FBXO38: variants seen among roughly 807,000 people sequenced by gnomAD.
FBXO38 encodes F-box only protein 38.
Under a neutral mutation model 131.9 loss-of-function variants are expected in FBXO38, and 53 were observed. That is an observed-to-expected ratio of 0.40 (90% CI 0.32 to 0.51). The LOEUF is 0.51. FBXO38 is among the 20% of genes least tolerant of loss of function. The pLI is 0.53. For synonymous variants in FBXO38, 452 were observed against 505.6 expected (o/e 0.89, Z 1.42); for missense variants, 1,076 against 1,475.6 (o/e 0.73, Z 4.44).
intron 1 of FBXO38, among the ~76,000 whole-genome samples, chr5:148,388,435 T>A (rs563103677): frequency 1.3e-4 from 20 of 152,320 alleles, no homozygotes; most frequent in Admixed American, 8.5e-4. Context: ...GAAAATCTGA[T>A]ATGGAATATT....
intron 17 of FBXO38, chr5:148,434,328 A>G (rs1223461945): frequency 6.6e-6 from 1 of 152,168 alleles, no homozygotes; most frequent in Non-Finnish European, 1.5e-5. Context: ...TGTCTCAAAC[A>G]TAGGGCATTA....
At chr5:148,413,843 A>C (rs7728004) in intron 9 of FBXO38, 1 of 252,330 alleles carries the variant, frequency 4.0e-6, no homozygotes, top group Non-Finnish European at 7.5e-6. Context: ...AGTATGATAG[A>C]TCCTTCACTT....
chr5:148,439,660 C>G lies in FBXO38; in HGVS notation c.3038C>G (p.Thr1013Ser). 1.2e-6 allele frequency: 2 copies of G among 1,613,822 alleles called. No homozygotes were observed. The highest frequency in any genetic ancestry group is 1.7e-6 in the Non-Finnish European group (2 of 1,179,786). The stretch of plus-strand genomic sequence containing the variant: ...TGTCTTCCACAGGTGGACACTCTAA[C>G]TTTGGAGCAGAAGCTATTTAGTGGT... ...LRPMQQVDTL[T>S]LEQKLFSGPY... The change falls in exon 19 of 22, where the codon ACT (threonine) becomes AGT (serine). Residue 1013 changes from threonine (T) to serine (S), a missense_variant. Transcript: ENST00000340253.
chr5:148,412,408 G>A (rs1009779934), intron 9 of FBXO38, among the ~76,000 whole-genome samples: 1 of 152,100 alleles, frequency 6.6e-6, no homozygotes, highest in African/African-American at 2.4e-5. Flanking sequence ...AGAAGTGGTG[G>A]CTGGCCTCTG....
At chr5:148,438,532 T>A (rs1333794676) in intron 18 of FBXO38, 34 bp downstream of exon 18, 1 of 1,579,486 alleles carries the variant, frequency 6.3e-7, no homozygotes. Context: ...ATGATACACA[T>A]ATTGTGGTGT....
intron 9 of FBXO38, chr5:148,413,278 A>AACATGTTGT (rs1752861207): frequency 6.6e-6 from 1 of 152,166 alleles, no homozygotes; most frequent in African/African-American, 2.4e-5. Context: ...GATTGTTTTT[A>AACATGTTGT]ACATGTTGTA....
At chr5:148,409,583 C>T (rs1752635575) in intron 8 of FBXO38, among the ~76,000 whole-genome samples, 1 of 152,180 alleles carries the variant, frequency 6.6e-6, no homozygotes, top group Non-Finnish European at 1.5e-5. Flanking sequence ...CTGAATTGTT[C>T]TAGTTACTTG....
At chr5:148,429,758 C>G (rs1205725733) in intron 15 of FBXO38, among the ~76,000 whole-genome samples, 1 of 151,910 alleles carries the variant, frequency 6.6e-6, no homozygotes, top group Admixed American at 6.6e-5. Context: ...TAATACAGAG[C>G]CTTCATATTA....
At chr5:148,412,400 A>G (rs1162580273) in intron 9 of FBXO38, among the ~76,000 whole-genome samples, 1 of 152,146 alleles carries the variant, frequency 6.6e-6, no homozygotes, top group African/African-American at 2.4e-5. Context: ...TCTCTCCAAG[A>G]AGTGGTGGCT....
chr5:148,430,166 T>TA (rs1485245624), intron 15 of FBXO38: 1 of 147,800 alleles, frequency 6.8e-6, no homozygotes, highest in African/African-American at 2.5e-5. Flanking sequence ...TTATTTTTTT[T>TA]TTTTTTGAGA....
intron 15 of FBXO38, among the ~76,000 whole-genome samples, chr5:148,428,946 G>T (rs1371963600): frequency 1.5e-4 from 23 of 152,164 alleles, no homozygotes; most frequent in Admixed American, 1.4e-3. Flanking sequence ...AGCTTAAATT[G>T]TAAATGTTTG....
chr5:148,439,620 G>GGTCCATGGAAAGATTGTTC, intron 18 of FBXO38, 27 bp from the exon 19 acceptor site: 1 of 1,605,716 alleles, frequency 6.2e-7, no homozygotes. Flanking sequence ...CTTTGTTGAA[G>GGTCCATGGAAAGATTGTTC]ACATCTCTTT....
At chr5:148,393,037 T>C (rs1419358447) in intron 1 of FBXO38, among the ~76,000 whole-genome samples, 7 of 152,088 alleles carry the variant, frequency 4.6e-5, no homozygotes, top group Non-Finnish European at 1.0e-4. Flanking sequence ...CGGAGGCCTC[T>C]TAGCCAAAAT....
At chr5:148,428,988 A>G (rs1753879480) in intron 15 of FBXO38, among the ~76,000 whole-genome samples, 1 of 152,210 alleles carries the variant, frequency 6.6e-6, no homozygotes, top group South Asian at 2.1e-4. Context: ...GTGGTAAAAT[A>G]TAACTTTACC....
chr5:148,414,854 A>T (rs1258989020), intron 10 of FBXO38, among the ~76,000 whole-genome samples: 1 of 152,108 alleles, frequency 6.6e-6, no homozygotes, highest in Non-Finnish European at 1.5e-5. Context: ...TCTCAGAGTA[A>T]TGTCATCTGT....
In FBXO38 at chr5:148,441,206, C is replaced by T. The variant is rs577469242; in HGVS notation, c.3357C>T (p.Phe1119=). The T allele has an allele frequency of 1.2e-4, 192 of 1,613,426 alleles. 6 individuals are homozygous for T. The South Asian group carries it at 1.9e-3, about 16-fold the overall frequency. The change falls in exon 21 of 22, where the codon TTC becomes TTT. Residue 1119 remains phenylalanine (F), a synonymous_variant. Coordinates refer to ENST00000340253, the MANE Select transcript of FBXO38 (RefSeq NM_205836.3). ...RSLRAAEPNS[F]ARYDFEDDEE... is the part of the protein sequence containing the mutation. ...TACGAGCTGCAGAGCCCAACAGCTT[C>T]GCTCGATACGACTTTGAAGACGATG...
intron 2 of FBXO38, among the ~76,000 whole-genome samples, chr5:148,397,092 A>C (rs1271917895): frequency 6.6e-6 from 1 of 152,210 alleles, no homozygotes; most frequent in African/African-American, 2.4e-5. Flanking sequence ...TTCTAAAAAC[A>C]AACAATTTTG....
intron 10 of FBXO38, among the ~76,000 whole-genome samples, chr5:148,414,904 C>T (rs1262182225): frequency 2.0e-5 from 3 of 152,002 alleles, no homozygotes; most frequent in African/African-American, 7.2e-5. Context: ...ATTTACAAAC[C>T]ATTAAATAAA....
intron 15 of FBXO38, among the ~76,000 whole-genome samples, chr5:148,431,422 T>A (rs181728504): frequency 5.9e-5 from 9 of 152,308 alleles, no homozygotes; most frequent in African/African-American, 1.7e-4. Flanking sequence ...CCAGTTTGGG[T>A]ACCCTGGAGA....
Sources: gnomAD v4.1 joint callset for allele counts (sites outside exome capture counted in the v4.1 genomes callset) on GRCh38, gnomAD v4.1.1 for gene constraint, MANE v1.5 for transcripts, NCBI Gene and HGNC (gene_info 2026-07-23, HGNC 2026-07-21) for gene names.